Variants in DSG1 observed in about 807,000 individuals in gnomAD.
The protein encoded by DSG1 is desmoglein-1.
A neutral mutation model predicts 97.5 loss-of-function variants in DSG1; 39 were observed. The ratio of observed to expected loss-of-function variants is 0.40; its 90% CI spans 0.31 to 0.52. The LOEUF (loss-of-function observed/expected upper bound fraction) is 0.52. Ranked by LOEUF, DSG1 falls within the 20% of genes least tolerant of loss-of-function variation. The probability of loss-of-function intolerance (pLI) is 0.53; values close to 1 mark genes in which losing one functional copy is unlikely to be tolerated. For synonymous variants in DSG1, 475 were observed against 443.4 expected (o/e 1.07, Z -0.90); for missense variants, 1,311 against 1,295.4 (o/e 1.01, Z -0.18).
chr18:31,353,341 C>G (rs923002450), intron 14 of DSG1, among the ~76,000 whole-genome samples: 46 of 151,664 alleles, frequency 3.0e-4, no homozygotes, highest in African/African-American at 1.1e-3. Flanking sequence ...AGTTCTCCAG[C>G]TGCGTGCTGG....
intron 8 of DSG1, among the ~76,000 whole-genome samples, chr18:31,334,732 GA>G (rs2071741467): frequency 6.6e-6 from 1 of 152,074 alleles, no homozygotes; most frequent in Non-Finnish European, 1.5e-5. Context: ...GGCTTATTAG[GA>G]ACACAGATAT....
At chr18:31,324,910 C>G (rs193191323) in intron 1 of DSG1, among the ~76,000 whole-genome samples, 16 of 152,318 alleles carry the variant, frequency 1.1e-4, no homozygotes, top group Admixed American at 7.2e-4. Flanking sequence ...TCCTACTGCA[C>G]ACAGGCATTT....
At chr18:31,334,954 A>G (rs780572017) in intron 8 of DSG1, among the ~76,000 whole-genome samples, 51 of 151,230 alleles carry the variant, frequency 3.4e-4, no homozygotes, top group Non-Finnish European at 2.9e-5. Context: ...ACAGCTGTTT[A>G]TGGATTGTAT....
At chr18:31,323,163 G>A (rs1164100448) in intron 1 of DSG1, among the ~76,000 whole-genome samples, 1 of 152,172 alleles carries the variant, frequency 6.6e-6, no homozygotes, top group Non-Finnish European at 1.5e-5. Context: ...CAAAACAGCT[G>A]AGATATACTC....
chr18:31,351,870 C>T (rs1186230677), intron 14 of DSG1, among the ~76,000 whole-genome samples: 11 of 152,062 alleles, frequency 7.2e-5, no homozygotes, highest in African/African-American at 9.7e-5. Context: ...TGTCTCTGCA[C>T]GTGAGATGGG....
At chr18:31,352,608 A>C (rs2144122934) in intron 14 of DSG1, among the ~76,000 whole-genome samples, 1 of 149,822 alleles carries the variant, frequency 6.7e-6, no homozygotes, top group African/African-American at 2.5e-5. Flanking sequence ...TAGGTACACC[A>C]ATCAGACGTA....
chr18:31,343,682 TTTTTGTGCTGAGAAAG>T, intron 12 of DSG1, 99 bp downstream of exon 12: 1 of 1,558,652 alleles, frequency 6.4e-7, no homozygotes, highest in Non-Finnish European at 8.8e-7. Flanking sequence ...TCTATGCTGT[TTTTTGTGCTGAGAAAG>T]CTAATGGAGA....
At chr18:31,323,296 C>T (rs539604365) in intron 1 of DSG1, among the ~76,000 whole-genome samples, 18 of 152,248 alleles carry the variant, frequency 1.2e-4, no homozygotes, top group Admixed American at 1.3e-4. Flanking sequence ...ATAACCTCAC[C>T]CTTACTCCAG....
Position 31,346,206 on chromosome 18 carries a change from C to A in DSG1, c.2100+8C>A. The stretch of plus-strand genomic sequence containing the variant: ...GAAAGCTACTTCTGTCAGGTAAGGT[C>A]CCTAGCCACATGCCTTTCTCGCCAT... On this transcript the variant is annotated splice_region_variant and intron_variant, in intron 14 of 14. Coordinates refer to ENST00000257192, the MANE Select transcript of DSG1 (RefSeq NM_001942.4). 1 of 1,609,804 alleles carries A rather than the reference C, an allele frequency of 6.2e-7. No individual in the cohort carries two copies. The highest frequency in any genetic ancestry group is 1.1e-5 in the South Asian group (1 of 90,864).
rs565624030 is a variant in DSG1 at position 31,358,302 on chromosome 18, A to T, written c.*2956A>T. 6.6e-6 allele frequency among the ~76,000 whole-genome samples: 1 copy of T among 152,128 alleles called. No individual in the cohort carries two copies. Among genetic ancestry groups the T allele is most frequent in the African/African-American group, 2.4e-5 (1 of 41,554 alleles). Reference sequence around the variant, plus strand: ...CCATCTCAAGCTAATTTTGACACTGAATTACAGATATATCTGCTACATATT... The same window carrying T: ...CCATCTCAAGCTAATTTTGACACTGTATTACAGATATATCTGCTACATATT... On this transcript the variant is annotated 3_prime_UTR_variant, in exon 15 of 15. Coordinates refer to ENST00000257192, the MANE Select transcript of DSG1 (RefSeq NM_001942.4).
At position 31,324,291 on chromosome 18, in the gene DSG1, C is replaced by CTT. The variant is rs79009473; in HGVS notation, c.49-2277_49-2276dup. On this transcript the variant is annotated intron_variant, in intron 1 of 14. Coordinates refer to ENST00000257192, the MANE Select transcript of DSG1 (RefSeq NM_001942.4). ...GCCACAGCGCCCGGCCCTCTCCTTC[C>CTT]TTTTTTTTTTTTTTGTTTGTTTGTT... is the stretch of plus-strand genomic sequence containing the variant. Among the ~76,000 whole-genome samples the CTT allele has an allele frequency of 3.4e-3, 503 of 147,494 alleles. 1 individual carries two copies. The highest frequency in any genetic ancestry group is 8.0e-3 in the Admixed American group (117 of 14,704).
chr18:31,335,834 A>G (rs1174752800), intron 8 of DSG1, among the ~76,000 whole-genome samples: 1 of 150,288 alleles, frequency 6.7e-6, no homozygotes, highest in Non-Finnish European at 1.5e-5. Flanking sequence ...AAGAAAATAG[A>G]TTTATTTATA....
chr18:31,340,054 G>A, intron 11 of DSG1, 29 bp downstream of exon 11: 1 of 1,605,816 alleles, frequency 6.2e-7, no homozygotes, highest in Middle Eastern at 1.7e-4. Flanking sequence ...CTATGTATAT[G>A]TGTCCCCCAA....
chr18:31,325,401 G>A (rs2071679702), intron 1 of DSG1, among the ~76,000 whole-genome samples: 1 of 152,140 alleles, frequency 6.6e-6, no homozygotes, highest in South Asian at 2.1e-4. Flanking sequence ...ATGAAGAAAT[G>A]GCTTTCAAAC....
chr18:31,333,558 G>A, intron 6 of DSG1, 31 bp from the exon 7 acceptor site: 1 of 1,613,544 alleles, frequency 6.2e-7, no homozygotes, highest in African/African-American at 1.3e-5. Context: ...TCTACGTCAA[G>A]TGTGATATTG....
intron 3 of DSG1, among the ~76,000 whole-genome samples, chr18:31,327,927 G>A (rs2144089030): frequency 6.6e-6 from 1 of 152,242 alleles, no homozygotes; most frequent in African/African-American, 2.4e-5. Flanking sequence ...TGATTGCATA[G>A]ACTTAGATAT....
At chr18:31,349,884 T>G (rs2071879532) in intron 14 of DSG1, among the ~76,000 whole-genome samples, 1 of 39,836 alleles carries the variant, frequency 2.5e-5, no homozygotes, top group Non-Finnish European at 4.2e-5. Flanking sequence ...CAATGGGGTT[T>G]TCTAGATATA....
chr18:31,331,633 A>G (rs974885554), intron 5 of DSG1, 68 bp from the exon 6 acceptor site: 10 of 1,456,574 alleles, frequency 6.9e-6, no homozygotes, highest in East Asian at 4.7e-5. Flanking sequence ...TTTTTTGGAA[A>G]GGTGATATAC....
intron 6 of DSG1, 90 bp downstream of exon 6, chr18:31,331,957 G>T (rs1348278742): frequency 7.6e-7 from 1 of 1,312,780 alleles, no homozygotes; most frequent in Non-Finnish European, 1.1e-6. Context: ...TGAAGAAAAT[G>T]ATGGTTTAAA....
Sources: gnomAD v4.1 joint callset for allele counts (sites outside exome capture counted in the v4.1 genomes callset) on GRCh38, gnomAD v4.1.1 for gene constraint, MANE v1.5 for transcripts, NCBI Gene and HGNC (gene_info 2026-07-23, HGNC 2026-07-21) for gene names.